The following SOX30 variants were observed in gnomAD, a reference collection of about 807,000 sequenced individuals.
SOX30 encodes the protein SRY-box transcription factor 30.
In SOX30, 17 loss-of-function variants were observed where a neutral mutation model predicts 58.6. The observed-to-expected ratio is 0.29, with a 90% CI of 0.20 to 0.44. The LOEUF (loss-of-function observed/expected upper bound fraction) is 0.44. SOX30 is among the 20% of genes least tolerant of loss of function. The pLI is 1.00. For missense variants in SOX30, 951 were observed against 965.8 expected (o/e 0.98, Z 0.20); for synonymous variants, 421 against 400.2 (o/e 1.05, Z -0.62).
intron 1 of SOX30, among the ~76,000 whole-genome samples, chr5:157,669,932 C>CTA (rs1258901626): frequency 6.6e-6 from 1 of 152,144 alleles, no homozygotes; most frequent in Non-Finnish European, 1.5e-5. Context: ...TGCCAACGCC[C>CTA]TAGACTCAAA....
intron 3 of SOX30, among the ~76,000 whole-genome samples, chr5:157,642,548 T>C (rs1157874885): frequency 6.6e-6 from 1 of 151,718 alleles, no homozygotes; most frequent in Non-Finnish European, 1.5e-5. Context: ...AAAAAGTTCA[T>C]AGAAAAATGG....
chr5:157,657,754 T>G (rs1759502388), intron 2 of SOX30, among the ~76,000 whole-genome samples: 1 of 152,268 alleles, frequency 6.6e-6, no homozygotes, highest in Non-Finnish European at 1.5e-5. Flanking sequence ...TCTACCTAAT[T>G]TCTCCAGAAT....
At chr5:157,664,339 G>A (rs886075212) in intron 2 of SOX30, among the ~76,000 whole-genome samples, 1 of 152,134 alleles carries the variant, frequency 6.6e-6, no homozygotes, top group African/African-American at 2.4e-5. Flanking sequence ...AACTAGAAAT[G>A]GGGAAAGGAT....
chr5:157,626,495 T>A lies in SOX30; in HGVS notation c.2107A>T (p.Ser703Cys). 1 of 1,614,224 alleles carries A rather than the reference T, an allele frequency of 6.2e-7. No individual in the cohort carries two copies. Among genetic ancestry groups the A allele is most frequent in the Non-Finnish European group, 8.5e-7 (1 of 1,180,036 alleles). ...GTSYYNSHSHSGEENLNPVPQ... is the reference protein window; with the variant it reads ...GTSYYNSHSHCGEENLNPVPQ... ...ACAGGGTTTAAGTTTTCTTCCCCACTGTGGCTATGACTGTTATAGTAAGAA... is the reference window on the plus strand; with the variant it reads ...ACAGGGTTTAAGTTTTCTTCCCCACAGTGGCTATGACTGTTATAGTAAGAA... The change falls in exon 5 of 5, where the codon AGT becomes TGT. Residue 703 changes from serine to cysteine, a missense_variant. Coordinates refer to ENST00000265007, the MANE Select transcript of SOX30 (RefSeq NM_178424.2).
chr5:157,631,179 G>A (rs1246524224), intron 4 of SOX30, among the ~76,000 whole-genome samples: 1 of 149,976 alleles, frequency 6.7e-6, no homozygotes, highest in East Asian at 1.9e-4. Flanking sequence ...AAATTCCTGG[G>A]CTCAAGCAAT....
intron 4 of SOX30, among the ~76,000 whole-genome samples, chr5:157,629,041 T>A (rs776076795): frequency 2.6e-5 from 4 of 152,154 alleles, no homozygotes; most frequent in Non-Finnish European, 5.9e-5. Context: ...AGGCTGACTA[T>A]GGGTACAAAC....
At chr5:157,664,320 C>T (rs1245877297) in intron 2 of SOX30, among the ~76,000 whole-genome samples, 3 of 152,120 alleles carry the variant, frequency 2.0e-5, no homozygotes. Flanking sequence ...CTTTGATAAA[C>T]CTGACAAAAA....
At chr5:157,663,801 C>G (rs2113859109) in intron 2 of SOX30, among the ~76,000 whole-genome samples, 1 of 152,298 alleles carries the variant, frequency 6.6e-6, no homozygotes, top group East Asian at 1.9e-4. Flanking sequence ...CATTCCTATA[C>G]ACCAATAACA....
chr5:157,646,609 ATAG>A, intron 3 of SOX30, 25 bp downstream of exon 3: 1 of 1,533,218 alleles, frequency 6.5e-7, no homozygotes, highest in Non-Finnish European at 8.8e-7. Flanking sequence ...TATTTAAAAA[ATAG>A]TAATCTACAA....
intron 1 of SOX30, among the ~76,000 whole-genome samples, chr5:157,650,327 A>T (rs1357969226): frequency 3.3e-5 from 5 of 151,972 alleles, no homozygotes; most frequent in African/African-American, 9.7e-5. Context: ...ACAGAAAATT[A>T]AAAAAACAAT....
upstream of SOX30, among the ~76,000 whole-genome samples, chr5:157,656,215 T>C (rs1284450070): frequency 6.6e-6 from 1 of 152,202 alleles, no homozygotes; most frequent in East Asian, 1.9e-4. Context: ...CGGTTAAAAA[T>C]AATAAGTGCT....
At chr5:157,634,955 T>C (rs60875827) in intron 4 of SOX30, among the ~76,000 whole-genome samples, 13,990 of 152,210 alleles carry the variant, frequency 0.092, 820 homozygotes, top group South Asian at 0.13. Flanking sequence ...CCCAGAAATA[T>C]TCCTTACAGA....
chr5:157,666,500 C>A (rs1269790294), intron 2 of SOX30, among the ~76,000 whole-genome samples: 2 of 150,930 alleles, frequency 1.3e-5, no homozygotes, highest in East Asian at 3.9e-4. Context: ...CACACACACA[C>A]ACACACACAC....
At chr5:157,650,863 A>AT (rs1759312132) in intron 1 of SOX30, among the ~76,000 whole-genome samples, 1 of 152,258 alleles carries the variant, frequency 6.6e-6, no homozygotes, top group Non-Finnish European at 1.5e-5. Flanking sequence ...GTGTACAAAA[A>AT]TTAGTCCTAT....
At chr5:157,667,753 C>T in intron 2 of SOX30, 1 of 1,423,652 alleles carries the variant, frequency 7.0e-7, no homozygotes, top group Non-Finnish European at 9.1e-7. Flanking sequence ...TACATACATA[C>T]ATACATACAT....
At chr5:157,668,811 A>G (rs1365845547) in intron 1 of SOX30, among the ~76,000 whole-genome samples, 4 of 152,138 alleles carry the variant, frequency 2.6e-5, no homozygotes, top group Non-Finnish European at 5.9e-5. Context: ...TGTCTTGTGC[A>G]GATCGCCCCT....
chr5:157,650,318 C>T (rs1759298210), intron 1 of SOX30, among the ~76,000 whole-genome samples: 1 of 151,516 alleles, frequency 6.6e-6, no homozygotes, highest in African/African-American at 2.4e-5. Flanking sequence ...AGAATCAACA[C>T]AGAAAATTAA....
rs767725191 is a variant in SOX30, at chr5:157,651,199, C to T, written c.880G>A (p.Val294Met). The T allele has an allele frequency of 3.7e-6, 6 of 1,612,604 alleles. No individual in the cohort carries two copies. The highest frequency in any genetic ancestry group is 5.1e-6 in the Non-Finnish European group (6 of 1,179,370). ...IRLTKVPLTP[V>M]PTKMQSLLEP... is the part of the protein sequence containing the mutation. Reference sequence around the variant, plus strand: ...AGTAGGGACTGCATTTTAGTAGGCACTGGTGTCAGGGGGACCTTGGTCAAT... The same window carrying T: ...AGTAGGGACTGCATTTTAGTAGGCATTGGTGTCAGGGGGACCTTGGTCAAT... The change falls in exon 1 of 5, where the codon GTG (valine) becomes ATG (methionine). Residue 294 changes from valine (V) to methionine (M), a missense_variant. Val to Met is a conservative substitution (Grantham distance 21). This residue lies in a region of SOX30 where 60 missense variants were observed against 74.0 expected (regional missense o/e 0.81). Coordinates refer to ENST00000265007, the MANE Select transcript of SOX30 (RefSeq NM_178424.2).
chr5:157,626,817 T>C, intron 4 of SOX30, 96 bp from the exon 5 acceptor site: 2 of 1,388,756 alleles, frequency 1.4e-6, no homozygotes, highest in Non-Finnish European at 1.9e-6. Flanking sequence ...TCTTTGGGGT[T>C]TGGAAAGTTC....
Sources: allele counts gnomAD v4.1 joint callset (sites outside exome capture counted in the v4.1 genomes callset), GRCh38; gene constraint gnomAD v4.1.1; regional missense constraint gnomAD v4.1.1; transcripts MANE v1.5; gene names NCBI Gene and HGNC (gene_info 2026-07-23, HGNC 2026-07-21).